Variants in UBAP1 observed in about 807,000 individuals in gnomAD.
UBAP1 encodes the protein ubiquitin associated protein 1.
Under a neutral mutation model 39.0 loss-of-function variants are expected in UBAP1, and 5 were observed. That is an observed-to-expected ratio of 0.13 (90% CI 0.07 to 0.27). UBAP1 has a LOEUF of 0.27. Among genes scored for constraint, UBAP1 ranks in the 10% least tolerant of loss-of-function variants. The pLI is 1.00. For missense variants in UBAP1, 490 were observed against 608.1 expected (o/e 0.81, Z 2.04); for synonymous variants, 211 against 225.1 (o/e 0.94, Z 0.56).
intron 4 of UBAP1, among the ~76,000 whole-genome samples, chr9:34,248,025 T>G (rs993953136): frequency 6.6e-5 from 10 of 151,642 alleles, no homozygotes; most frequent in Non-Finnish European, 1.5e-4. Flanking sequence ...ACTGCATGTA[T>G]GTTTAAAATA....
At chr9:34,242,131 C>G (rs532402482) in intron 4 of UBAP1, 23 bp downstream of exon 4, 2 of 1,549,156 alleles carry the variant, frequency 1.3e-6, no homozygotes, top group Non-Finnish European at 1.7e-6. Context: ...AATCCCCCGC[C>G]GACTCCCATA....
At chr9:34,215,232 T>C (rs952817987) in intron 1 of UBAP1, among the ~76,000 whole-genome samples, 2 of 152,032 alleles carry the variant, frequency 1.3e-5, no homozygotes, top group African/African-American at 4.8e-5. Context: ...CAAATGCCTA[T>C]CAACGAATGG....
In UBAP1 at chr9:34,251,583, C is replaced by T. The variant is rs1271970645; in HGVS notation, c.*51C>T. ...GCAGAACCACCATCCCTGGGAGGCC[C>T]TGCAGAGCCCACCTGTGGGGAAAGA... On this transcript the variant is annotated 3_prime_UTR_variant, in exon 7 of 7. Coordinates refer to ENST00000297661, the MANE Select transcript of UBAP1 (RefSeq NM_016525.5). 2.5e-6 allele frequency: 4 copies of T among 1,589,240 alleles called. No individual in the cohort carries two copies. In the South Asian group the frequency reaches 4.5e-5, roughly 18 times the overall value.
intron 1 of UBAP1, among the ~76,000 whole-genome samples, chr9:34,210,376 C>T (rs914132276): frequency 6.6e-6 from 1 of 152,170 alleles, no homozygotes; most frequent in African/African-American, 2.4e-5. Flanking sequence ...CAGTTACGTT[C>T]TTAACTAACA....
At chr9:34,191,346 C>G (rs1830709493) in intron 1 of UBAP1, among the ~76,000 whole-genome samples, 1 of 152,156 alleles carries the variant, frequency 6.6e-6, no homozygotes, top group Non-Finnish European at 1.5e-5. Context: ...GTCTTCCCAC[C>G]TTGGCCTCCT....
At chr9:34,238,354 T>C (rs985915942) in intron 3 of UBAP1, among the ~76,000 whole-genome samples, 4 of 152,156 alleles carry the variant, frequency 2.6e-5, no homozygotes, top group Admixed American at 6.5e-5. Context: ...TGTGGACACA[T>C]GTTTTCAGTT....
chr9:34,190,319 C>T (rs2131507218), intron 1 of UBAP1, among the ~76,000 whole-genome samples: 1 of 151,968 alleles, frequency 6.6e-6, no homozygotes, highest in East Asian at 1.9e-4. Context: ...GGGTGGAGTC[C>T]CACTCTGTCA....
chr9:34,209,819 G>A (rs1831919066), intron 1 of UBAP1, among the ~76,000 whole-genome samples: 1 of 151,870 alleles, frequency 6.6e-6, no homozygotes, highest in Non-Finnish European at 1.5e-5. Context: ...CAATTACAAA[G>A]TATGTGTGTG....
At chr9:34,250,073 T>C (rs1472028359) in intron 5 of UBAP1, 112 bp downstream of exon 5, 9 of 1,177,728 alleles carry the variant, frequency 7.6e-6, no homozygotes, top group Non-Finnish European at 1.1e-5. Context: ...TTCCTGTGGG[T>C]TTGTGAGGAC....
chr9:34,216,362 A>C (rs1396676823), intron 1 of UBAP1, among the ~76,000 whole-genome samples: 1 of 152,080 alleles, frequency 6.6e-6, no homozygotes. Context: ...CTTACCAACT[A>C]CACAGTTTCT....
At chr9:34,195,318 CTA>C in intron 1 of UBAP1, among the ~76,000 whole-genome samples, 1 of 151,942 alleles carries the variant, frequency 6.6e-6, no homozygotes, top group East Asian at 1.9e-4. Flanking sequence ...ACTTTTTTGT[CTA>C]TGATTCATTT....
At chr9:34,193,985 G>C (rs1359804794) in intron 1 of UBAP1, among the ~76,000 whole-genome samples, 3 of 152,142 alleles carry the variant, frequency 2.0e-5, no homozygotes, top group Non-Finnish European at 4.4e-5. Flanking sequence ...TTTGTTTCCT[G>C]AGACCTGCCC....
chr9:34,213,537 A>G (rs1012332444), intron 1 of UBAP1, among the ~76,000 whole-genome samples: 48 of 151,972 alleles, frequency 3.2e-4, no homozygotes, highest in African/African-American at 1.0e-3. Flanking sequence ...AAACCCAACC[A>G]TCTATGACAC....
chr9:34,184,289 A>G (rs1010517128), intron 1 of UBAP1, among the ~76,000 whole-genome samples: 6 of 151,960 alleles, frequency 3.9e-5, no homozygotes, highest in African/African-American at 1.4e-4. Context: ...CTGGGTATGT[A>G]CTAATGAGCC....
chr9:34,220,990 T>C, intron 2 of UBAP1, 42 bp downstream of exon 2: 1 of 1,577,692 alleles, frequency 6.3e-7, no homozygotes, highest in Non-Finnish European at 8.7e-7. Flanking sequence ...TATGATTTGA[T>C]CAGAGGATTT....
At chr9:34,197,405 G>A (rs1454962111) in intron 1 of UBAP1, among the ~76,000 whole-genome samples, 1 of 152,036 alleles carries the variant, frequency 6.6e-6, no homozygotes, top group Non-Finnish European at 1.5e-5. Flanking sequence ...GCCTCCCAAA[G>A]TGCTGGGATT....
intron 1 of UBAP1, among the ~76,000 whole-genome samples, chr9:34,185,944 G>A (rs1290262116): frequency 6.6e-6 from 1 of 152,202 alleles, no homozygotes; most frequent in Non-Finnish European, 1.5e-5. Flanking sequence ...GAGGAAACAG[G>A]ATCACAGAGG....
At chr9:34,198,488 G>C (rs1182168267) in intron 1 of UBAP1, among the ~76,000 whole-genome samples, 5 of 152,180 alleles carry the variant, frequency 3.3e-5, no homozygotes, top group Admixed American at 6.6e-5. Context: ...GCTCAGCTGA[G>C]GTCAGACTGG....
intron 1 of UBAP1, among the ~76,000 whole-genome samples, chr9:34,190,490 A>G (rs1188945305): frequency 6.6e-6 from 1 of 150,386 alleles, no homozygotes; most frequent in African/African-American, 2.5e-5. Flanking sequence ...GGGTTTCACC[A>G]TGTTGGCCAG....
Sources: gnomAD v4.1 joint callset for allele counts (sites outside exome capture counted in the v4.1 genomes callset) on GRCh38, gnomAD v4.1.1 for gene constraint, MANE v1.5 for transcripts, NCBI Gene and HGNC (gene_info 2026-07-23, HGNC 2026-07-21) for gene names.